CSMD1: variants seen among roughly 807,000 people sequenced by gnomAD.
CSMD1 encodes the protein CUB and sushi domain-containing protein 1.
In CSMD1, 213 loss-of-function variants were observed where a neutral mutation model predicts 417.5. The observed-to-expected ratio is 0.51, with a 90% confidence interval of 0.46 to 0.57. The LOEUF (loss-of-function observed/expected upper bound fraction) is 0.57. Among genes scored for constraint, CSMD1 ranks in the 20% least tolerant of loss-of-function variants. The pLI is 0.00. For missense variants in CSMD1, 6,923 were observed against 4,529.7 expected, an observed-to-expected ratio of 1.53 and a Z score of -15.17; for synonymous variants, 2,862 against 1,736.8, an observed-to-expected ratio of 1.65 and a Z score of -16.11.
intron 37 of CSMD1, among the ~76,000 whole-genome samples, chr8:3,174,958 T>C (rs181144017): frequency 7.4e-4 from 112 of 152,318 alleles, no homozygotes; most frequent in African/African-American, 2.6e-3. Context: ...ACATATTTTT[T>C]CACTATATAG....
At chr8:3,323,255 A>T (rs17079969) in intron 23 of CSMD1, among the ~76,000 whole-genome samples, 7,017 of 152,260 alleles carry the variant, frequency 0.046, 359 homozygotes, top group East Asian at 0.21. Flanking sequence ...GGACCTCAAC[A>T]TTCTTGCACC....
chr8:3,905,486 G>T (rs543436373), intron 5 of CSMD1, among the ~76,000 whole-genome samples: 9 of 152,176 alleles, frequency 5.9e-5, no homozygotes, highest in African/African-American at 2.2e-4. Flanking sequence ...ACTTTCCTAC[G>T]TGTGAAAGAT....
chr8:4,280,544 A>T (rs1032817949), intron 3 of CSMD1, among the ~76,000 whole-genome samples: 2 of 152,246 alleles, frequency 1.3e-5, no homozygotes, highest in Non-Finnish European at 2.9e-5. Context: ...CCACATTTGC[A>T]TATCAACACT....
chr8:4,364,093 A>G (rs1801932925), intron 3 of CSMD1, among the ~76,000 whole-genome samples: 1 of 152,144 alleles, frequency 6.6e-6, no homozygotes, highest in African/African-American at 2.4e-5. Context: ...GGGAATAGCT[A>G]CCCCATTCCC....
At chr8:3,384,748 AT>A (rs1453095715) in intron 18 of CSMD1, among the ~76,000 whole-genome samples, 12 of 126,300 alleles carry the variant, frequency 9.5e-5, no homozygotes, top group Non-Finnish European at 1.9e-4. Context: ...ATAAATATAT[AT>A]TTATATAAAT....
intron 47 of CSMD1, among the ~76,000 whole-genome samples, chr8:3,093,202 G>A (rs1475583922): frequency 1.3e-5 from 2 of 152,168 alleles, no homozygotes; most frequent in East Asian, 3.9e-4. Flanking sequence ...GGTAGTATGG[G>A]TGGGTCCTGA....
intron 5 of CSMD1, among the ~76,000 whole-genome samples, chr8:3,770,717 G>A (rs757343760): frequency 6.6e-6 from 1 of 152,054 alleles, no homozygotes; most frequent in Non-Finnish European, 1.5e-5. Context: ...CTGTAACCAT[G>A]ATGGTAGCTC....
intron 10 of CSMD1, among the ~76,000 whole-genome samples, chr8:3,569,870 C>A (rs73658197): frequency 1.3e-5 from 2 of 152,168 alleles, no homozygotes; most frequent in East Asian, 3.9e-4. Context: ...ACCTGGAATA[C>A]CTTGTTTCTT....
intron 3 of CSMD1, among the ~76,000 whole-genome samples, chr8:4,196,052 A>C (rs1799322114): frequency 6.6e-6 from 1 of 151,974 alleles, no homozygotes; most frequent in Non-Finnish European, 1.5e-5. Context: ...TCTACTGAAA[A>C]TACAAAAAAT....
intron 1 of CSMD1, among the ~76,000 whole-genome samples, chr8:4,676,038 C>G (rs961036434): frequency 2.2e-4 from 34 of 152,162 alleles, no homozygotes; most frequent in African/African-American, 8.2e-4. Context: ...AAATTATTCA[C>G]TTTTATCCTT....
chr8:4,025,134 G>A (rs772628185), intron 4 of CSMD1, among the ~76,000 whole-genome samples: 3 of 152,222 alleles, frequency 2.0e-5, no homozygotes, highest in Non-Finnish European at 4.4e-5. Context: ...GAGATGTTGA[G>A]ACTGTAATTT....
chr8:3,669,542 C>T (rs1448451360), intron 7 of CSMD1, among the ~76,000 whole-genome samples: 1 of 152,146 alleles, frequency 6.6e-6, no homozygotes, highest in East Asian at 1.9e-4. Context: ...ATGGAGAAAC[C>T]TCAGGTTTTC....
At chr8:4,673,832 T>C (rs911287363) in intron 1 of CSMD1, among the ~76,000 whole-genome samples, 1 of 152,058 alleles carries the variant, frequency 6.6e-6, no homozygotes, top group Non-Finnish European at 1.5e-5. Context: ...CTAAAAGCAA[T>C]TGAGTGCTTG....
Position 3,490,742 on chromosome 8 carries a change from T to C in CSMD1, c.1448+2881A>G, listed in dbSNP as rs568154951. On this transcript the variant is annotated intron_variant, in intron 11 of 69. Coordinates refer to ENST00000635120, the MANE Select transcript of CSMD1 (RefSeq NM_033225.6). ...CTTGCAGGCCCCTTTCTATCCACTG[T>C]AGTGCTGTTCCCAACCCTGTCCCAG... Among the ~76,000 whole-genome samples the C allele has an allele frequency of 3.3e-5, 5 of 152,296 alleles. No homozygotes were observed. The South Asian group carries it at 6.2e-4, about 19-fold the overall frequency.
intron 33 of CSMD1, among the ~76,000 whole-genome samples, chr8:3,194,915 G>A (rs1182381240): frequency 6.6e-6 from 1 of 152,022 alleles, no homozygotes; most frequent in East Asian, 1.9e-4. Context: ...GGTTAGAGAT[G>A]GTGACCCGGA....
intron 1 of CSMD1, among the ~76,000 whole-genome samples, chr8:4,700,728 G>C (rs1584963319): frequency 2.6e-5 from 4 of 152,156 alleles, no homozygotes; most frequent in East Asian, 1.9e-4. Context: ...TATCCATAAA[G>C]TCAGCACATT....
At chr8:3,897,335 T>C (rs935781291) in intron 5 of CSMD1, among the ~76,000 whole-genome samples, 1 of 152,220 alleles carries the variant, frequency 6.6e-6, no homozygotes, top group Non-Finnish European at 1.5e-5. Flanking sequence ...GTCAGGTTTC[T>C]CTTATAAGCA....
intron 8 of CSMD1, among the ~76,000 whole-genome samples, chr8:3,592,470 C>T (rs534442604): frequency 2.0e-5 from 3 of 152,192 alleles, no homozygotes; most frequent in East Asian, 1.9e-4. Context: ...TTTTCTTCAG[C>T]GTGACATTCA....
At position 4,193,883 on chromosome 8, in the gene CSMD1, T is replaced by C. The variant is rs371268656; in HGVS notation, c.416-161784A>G. On this transcript the variant is annotated intron_variant, in intron 3 of 69. Coordinates refer to ENST00000635120, the MANE Select transcript of CSMD1 (RefSeq NM_033225.6). The stretch of plus-strand genomic sequence containing the variant: ...CAGCACCGAGAAGCCTCAGCAGAAC[T>C]GGCCACCTCCACGAAGGAAAGCGGC... Among the ~76,000 whole-genome samples the C allele has an allele frequency of 1.1e-3, 164 of 151,938 alleles. 6 individuals carry two copies. In the South Asian group the frequency reaches 0.033, roughly 30 times the overall value.
Sources: gnomAD v4.1 joint callset for allele counts (sites outside exome capture counted in the v4.1 genomes callset) on GRCh38, gnomAD v4.1.1 for gene constraint, MANE v1.5 for transcripts, NCBI Gene and HGNC (gene_info 2026-07-23, HGNC 2026-07-21) for gene names.